Variants in FAF1 observed in about 807,000 individuals in gnomAD.
FAF1 encodes the protein Fas associated factor 1, also known as FAS-associated factor 1.
Under a neutral mutation model 92.5 loss-of-function variants are expected in FAF1, and 25 were observed. That is an observed-to-expected ratio of 0.27 (90% CI 0.20 to 0.38). The LOEUF (loss-of-function observed/expected upper bound fraction) is 0.38. Ranked by LOEUF, FAF1 falls within the 10% of genes least tolerant of loss-of-function variation. FAF1 has a pLI of 1.00. For missense variants in FAF1, 636 were observed against 793.3 expected (o/e 0.80, Z 2.38); for synonymous variants, 234 against 273.2 (o/e 0.86, Z 1.42).
intron 1 of FAF1, among the ~76,000 whole-genome samples, chr1:50,871,310 T>G (rs1419279914): frequency 2.6e-5 from 4 of 152,250 alleles, no homozygotes; most frequent in Non-Finnish European, 5.9e-5. Context: ...CCTAGCTAAT[T>G]GATGAAGATG....
rs1046656074 is a variant in FAF1 at position 50,960,156 on chromosome 1, G to T, written c.-345C>A. 1.2e-5 allele frequency: 4 copies of T among 338,370 alleles called. No homozygotes were observed. The highest frequency in any genetic ancestry group is 2.1e-5 in the Non-Finnish European group (4 of 186,206). The allele number at this position is 338,370 out of a possible 1,614,324, so 21.0% of individuals were successfully genotyped here. A position where few individuals can be genotyped will look rare whatever the true frequency, so the allele number is the denominator to read the frequency against. On this transcript the variant is annotated 5_prime_UTR_variant, in exon 1 of 19. Coordinates refer to ENST00000396153, the MANE Select transcript of FAF1 (RefSeq NM_007051.3). ...CAGCGCGCACCCGGATACCTTCAGC[G>T]GCGTTAAGCCCGGCGGGGGCGGGGA... is the stretch of plus-strand genomic sequence containing the variant.
At chr1:50,776,753 A>G (rs548531426) in intron 4 of FAF1, among the ~76,000 whole-genome samples, 1 of 152,294 alleles carries the variant, frequency 6.6e-6, no homozygotes, top group African/African-American at 2.4e-5. Flanking sequence ...GCCCCCTTGG[A>G]TAATAGAAAT....
At chr1:50,463,533 C>CA (rs1227782561) in intron 18 of FAF1, among the ~76,000 whole-genome samples, 7 of 152,206 alleles carry the variant, frequency 4.6e-5, no homozygotes, top group Non-Finnish European at 8.8e-5. Context: ...CCAATTATCT[C>CA]AGTTACTATG....
At chr1:50,932,676 G>C (rs1007121780) in intron 1 of FAF1, among the ~76,000 whole-genome samples, 6 of 152,288 alleles carry the variant, frequency 3.9e-5, no homozygotes, top group African/African-American at 1.4e-4. Flanking sequence ...CTGGAGGATG[G>C]TGGCCCTCTT....
intron 1 of FAF1, among the ~76,000 whole-genome samples, chr1:50,902,513 C>T (rs1439238857): frequency 6.6e-6 from 1 of 152,122 alleles, no homozygotes; most frequent in Non-Finnish European, 1.5e-5. Context: ...TTTTAAATTA[C>T]ATATGTGGCT....
chr1:50,575,590 T>C (rs907357324), intron 12 of FAF1, among the ~76,000 whole-genome samples: 10 of 152,198 alleles, frequency 6.6e-5, no homozygotes, highest in African/African-American at 2.4e-4. Flanking sequence ...ACATTATTTG[T>C]ATAATTCAAA....
intron 15 of FAF1, among the ~76,000 whole-genome samples, chr1:50,533,982 A>G (rs1427320139): frequency 1.3e-5 from 2 of 152,204 alleles, no homozygotes; most frequent in African/African-American, 4.8e-5. Context: ...ATAGATAATC[A>G]TACCAATCTG....
At chr1:50,763,140 C>T (rs1459024518) in intron 4 of FAF1, among the ~76,000 whole-genome samples, 1 of 152,038 alleles carries the variant, frequency 6.6e-6, no homozygotes, top group Non-Finnish European at 1.5e-5. Flanking sequence ...CGTCTGTAGT[C>T]CCAGCTACTC....
At chr1:50,669,910 T>C (rs369510050) in intron 7 of FAF1, among the ~76,000 whole-genome samples, 2 of 152,142 alleles carry the variant, frequency 1.3e-5, no homozygotes, top group East Asian at 3.9e-4. Context: ...TCACTTGAGG[T>C]CGGGAGTTCG....
chr1:50,705,976 T>TAC (rs1557485071), intron 6 of FAF1, 85 bp from the exon 7 acceptor site: 2 of 716,928 alleles, frequency 2.8e-6, no homozygotes, highest in African/African-American at 3.5e-5. Context: ...ACCCCAGGAG[T>TAC]ACCCTAACCT....
At chr1:50,539,761 C>A in intron 13 of FAF1, 33 bp from the exon 14 acceptor site, 1 of 1,568,174 alleles carries the variant, frequency 6.4e-7, no homozygotes, top group Non-Finnish European at 8.7e-7. Context: ...GTAAGTTTTG[C>A]TTTGTAGTTT....
At chr1:50,733,380 T>C (rs1367504421) in intron 6 of FAF1, among the ~76,000 whole-genome samples, 1 of 152,208 alleles carries the variant, frequency 6.6e-6, no homozygotes, top group African/African-American at 2.4e-5. Flanking sequence ...CTAAACCTGT[T>C]ACCTAATGTC....
At chr1:50,623,570 G>C (rs1165102077) in intron 8 of FAF1, among the ~76,000 whole-genome samples, 5 of 148,416 alleles carry the variant, frequency 3.4e-5, no homozygotes, top group African/African-American at 1.2e-4. Flanking sequence ...GTGAGACTCT[G>C]TCTTGAAAAA....
At chr1:50,534,165 C>T (rs1311792434) in intron 15 of FAF1, among the ~76,000 whole-genome samples, 2 of 152,232 alleles carry the variant, frequency 1.3e-5, no homozygotes, top group Middle Eastern at 3.4e-3. Context: ...TATTAGGCCA[C>T]CAAGGTTGGC....
At chr1:50,604,814 C>T (rs1372351422) in intron 8 of FAF1, among the ~76,000 whole-genome samples, 1 of 152,182 alleles carries the variant, frequency 6.6e-6, no homozygotes, top group African/African-American at 2.4e-5. Context: ...TGTGAGCCAC[C>T]ACACCCAGCC....
intron 4 of FAF1, among the ~76,000 whole-genome samples, chr1:50,751,683 T>C (rs1179567628): frequency 1.3e-5 from 2 of 152,212 alleles, no homozygotes; most frequent in Admixed American, 1.3e-4. Context: ...TACTTGGCTA[T>C]GATGTATACT....
At position 50,655,483 on chromosome 1, in the gene FAF1, G is replaced by A. The variant is rs1248087786; in HGVS notation, c.703C>T (p.Gln235Ter). Residue 235 changes from glutamine (Q) to a stop codon, truncating the protein, a stop_gained, in exon 8 of 19, where the codon CAA (glutamine) becomes TAA (stop). Transcript: ENST00000396153. LOFTEE classifies it high-confidence loss of function. ...GAAGTTGGCCAGCCCTCCCATAATT[G>A]GTGGCGAACGGGGATACTTGTAAGG... ...YDLTSIPVRHQLWEGWPTSAT... is the reference protein window; with the variant it reads ...YDLTSIPVRH 6.2e-7 allele frequency: 1 copy of A among 1,613,628 alleles called. No homozygotes were observed. Among genetic ancestry groups the A allele is most frequent in the Non-Finnish European group, 8.5e-7 (1 of 1,179,582 alleles).
At chr1:50,550,655 CT>C (rs1398802141) in intron 13 of FAF1, among the ~76,000 whole-genome samples, 4 of 152,112 alleles carry the variant, frequency 2.6e-5, no homozygotes, top group African/African-American at 4.8e-5. Flanking sequence ...CCTAAACTCC[CT>C]AAAGAATTAT....
intron 7 of FAF1, among the ~76,000 whole-genome samples, chr1:50,687,371 A>C (rs1035115739): frequency 2.6e-5 from 4 of 151,952 alleles, no homozygotes; most frequent in African/African-American, 9.7e-5. Flanking sequence ...AAAAAAAAAA[A>C]AACCCAACCT....
Sources: allele counts gnomAD v4.1 joint callset (sites outside exome capture counted in the v4.1 genomes callset), GRCh38; gene constraint gnomAD v4.1.1; transcripts MANE v1.5; gene names NCBI Gene and HGNC (gene_info 2026-07-23, HGNC 2026-07-21).